The following COL22A1 variants were observed in gnomAD, a reference collection of about 807,000 sequenced individuals.
The protein encoded by COL22A1 is collagen alpha-1(XXII) chain.
Under a neutral mutation model 248.9 loss-of-function variants are expected in COL22A1, and 221 were observed. That is an observed-to-expected ratio of 0.89 (90% confidence interval 0.80 to 0.99). The LOEUF is 0.99. COL22A1 is among the 50% of genes least tolerant of loss of function. COL22A1 has a pLI of 0.00. For synonymous variants in COL22A1, 891 were observed against 793.4 expected (o/e 1.12, Z -2.07); for missense variants, 2,240 against 2,179.0 (o/e 1.03, Z -0.56).
intron 16 of COL22A1, among the ~76,000 whole-genome samples, chr8:138,764,102 CTCTT>C (rs1161074683): frequency 6.6e-6 from 1 of 152,204 alleles, no homozygotes; most frequent in Admixed American, 6.5e-5. Flanking sequence ...GTTGGTTCCT[CTCTT>C]TCAGGATGTT....
chr8:138,613,232 A>G (rs1819035618), intron 56 of COL22A1, among the ~76,000 whole-genome samples: 1 of 144,084 alleles, frequency 6.9e-6, no homozygotes, highest in South Asian at 2.3e-4. Context: ...TGGGTGACAG[A>G]GCGAGACTCC....
At chr8:138,676,267 G>A (rs756558483) in intron 41 of COL22A1, among the ~76,000 whole-genome samples, 5 of 147,186 alleles carry the variant, frequency 3.4e-5, no homozygotes, top group Non-Finnish European at 7.5e-5. Flanking sequence ...GTGGTGGCAG[G>A]CACCTGTAAT....
intron 25 of COL22A1, among the ~76,000 whole-genome samples, chr8:138,722,453 C>G (rs1466101483): frequency 6.6e-6 from 1 of 152,206 alleles, no homozygotes; most frequent in Non-Finnish European, 1.5e-5. Context: ...CCTCCTCTCT[C>G]CTCTCCAGAA....
At chr8:138,634,743 AAAG>A (rs1321817628) in intron 49 of COL22A1, among the ~76,000 whole-genome samples, 2 of 152,150 alleles carry the variant, frequency 1.3e-5, no homozygotes, top group East Asian at 1.9e-4. Context: ...CAATTTGAAA[AAAG>A]AAGAAGTCTG....
intron 12 of COL22A1, among the ~76,000 whole-genome samples, chr8:138,786,001 C>T (rs576753497): frequency 4.3e-4 from 65 of 152,298 alleles, no homozygotes; most frequent in African/African-American, 1.4e-3. Flanking sequence ...TTAGAGCCAA[C>T]GAGCCACAGC....
chr8:138,761,550 T>C (rs1284856964), intron 17 of COL22A1, among the ~76,000 whole-genome samples: 1 of 151,530 alleles, frequency 6.6e-6, no homozygotes, highest in Non-Finnish European at 1.5e-5. Flanking sequence ...TTAGAATATT[T>C]ATTGTAATTC....
Position 138,751,492 on chromosome 8 carries a change from C to T in COL22A1, c.2051G>A (p.Gly684Asp). 1.9e-6 allele frequency: 3 copies of T among 1,612,192 alleles called. No homozygotes were observed. Among genetic ancestry groups the T allele is most frequent in the Non-Finnish European group, 2.5e-6 (3 of 1,179,010 alleles). Residue 684 changes from glycine to aspartate, a missense_variant, in exon 22 of 65, where the codon GGC becomes GAC. Transcript: ENST00000303045. ...TTGCAAACCAGGAGGTCCATCCCTG[C>T]CTTCTGGGCCTATTGGACCCTTTAG... is the stretch of plus-strand genomic sequence containing the variant. The part of the protein sequence containing the change: ...PGARGPIGPE[G>D]RDGPPGLQGL...
At chr8:138,641,226 G>T (rs528535054) in intron 47 of COL22A1, among the ~76,000 whole-genome samples, 5 of 152,128 alleles carry the variant, frequency 3.3e-5, no homozygotes, top group African/African-American at 1.2e-4. Flanking sequence ...GAATCCCAAG[G>T]CTTTTTCAGG....
intron 1 of COL22A1, among the ~76,000 whole-genome samples, chr8:138,908,214 T>C (rs761922783): frequency 1.4e-4 from 21 of 152,206 alleles, no homozygotes; most frequent in African/African-American, 2.7e-4. Context: ...TAGATGCCCA[T>C]GTTTGTAAAT....
Position 138,646,657 on chromosome 8 carries a change from G to A in COL22A1, c.3473C>T (p.Pro1158Leu). ...TGGTCCAGCTATTCCTGGGGGCCCT[G>A]GTAGGCCTGGAGGCCCAGCCTCTCC... ...KKGEAGPPGL[P>L]GPPGIAGPQG... The change falls in exon 47 of 65, where the codon CCA (proline) becomes CTA (leucine). Residue 1158 changes from proline to leucine, a missense_variant. By Grantham distance (98) the Pro-to-Leu change is moderately conservative. Coordinates refer to ENST00000303045, the MANE Select transcript of COL22A1 (RefSeq NM_152888.3). The A allele has an allele frequency of 6.3e-7, 1 of 1,582,956 alleles. No individual in the cohort carries two copies. Among genetic ancestry groups the A allele is most frequent in the Non-Finnish European group, 8.6e-7 (1 of 1,164,448 alleles).
intron 3 of COL22A1, among the ~76,000 whole-genome samples, chr8:138,848,644 G>A (rs1821420473): frequency 6.6e-6 from 1 of 152,136 alleles, no homozygotes; most frequent in Non-Finnish European, 1.5e-5. Context: ...GAGGGTACAT[G>A]CAATTATTGA....
rs143977164 is a variant in COL22A1, at chr8:138,638,682, C to G, written c.3502-1887G>C. ...GAGCATTTCTTCTGACATTTTTCCA[C>G]GTAATTATTTTTACTGTTTCTAAAT... On this transcript the variant is annotated intron_variant, in intron 47 of 64. Coordinates refer to ENST00000303045, the MANE Select transcript of COL22A1 (RefSeq NM_152888.3). Among the ~76,000 whole-genome samples the G allele has an allele frequency of 5.8e-4, 88 of 152,246 alleles. No individual in the cohort carries two copies. In the East Asian group the frequency reaches 0.017, roughly 29 times the overall value.
At chr8:138,613,724 G>A in intron 56 of COL22A1, 143 bp downstream of exon 56, 1 of 792,804 alleles carries the variant, frequency 1.3e-6, no homozygotes, top group Non-Finnish European at 2.3e-6. Flanking sequence ...GGGACTTAGG[G>A]GGGCAGCTAT....
At chr8:138,779,246 G>A (rs1359076893) in intron 14 of COL22A1, among the ~76,000 whole-genome samples, 1 of 152,184 alleles carries the variant, frequency 6.6e-6, no homozygotes. Context: ...TTGATTAAGA[G>A]AATGTGTGGG....
intron 13 of COL22A1, among the ~76,000 whole-genome samples, chr8:138,780,478 A>G (rs1300853714): frequency 6.6e-6 from 1 of 152,190 alleles, no homozygotes; most frequent in African/African-American, 2.4e-5. Flanking sequence ...AGGATGTTGC[A>G]GCTCAGAGGC....
At chr8:138,778,130 G>T in intron 15 of COL22A1, 1 of 609,444 alleles carries the variant, frequency 1.6e-6, no homozygotes, top group East Asian at 2.9e-5. Context: ...ATGTGAGAAA[G>T]GGGTCCCAGG....
At position 138,670,918 on chromosome 8, in the gene COL22A1, G is replaced by A. The variant is rs139214236; in HGVS notation, c.3150+5640C>T. ...TAAGGCTGCAGTGAGCCATGATCACGCCACTGCACTCCAGCTTGGGGGACA... is the reference window on the plus strand; with the variant it reads ...TAAGGCTGCAGTGAGCCATGATCACACCACTGCACTCCAGCTTGGGGGACA... On this transcript the variant is annotated intron_variant, in intron 41 of 64. Transcript: ENST00000303045. Among the ~76,000 whole-genome samples, 190 of 121,084 alleles carry A rather than the reference G, an allele frequency of 1.6e-3. 2 individuals are homozygous for A. In the East Asian group the frequency reaches 0.046, roughly 29 times the overall value. 79.4% of individuals were successfully genotyped at this position (121,084 alleles called of 152,430 possible).
intron 51 of COL22A1, 152 bp from the exon 52 acceptor site, chr8:138,623,937 T>C (rs1261406862): frequency 1.6e-6 from 1 of 618,582 alleles, no homozygotes; most frequent in Non-Finnish European, 2.8e-6. Flanking sequence ...AGAATTGTTC[T>C]GATTTCCTGG....
chr8:138,636,622 T>C, intron 48 of COL22A1, 120 bp downstream of exon 48: 1 of 766,290 alleles, frequency 1.3e-6, no homozygotes, highest in Non-Finnish European at 2.2e-6. Context: ...AAATGAGATT[T>C]TAAAAAATCC....
Sources: allele counts gnomAD v4.1 joint callset (sites outside exome capture counted in the v4.1 genomes callset), GRCh38; gene constraint gnomAD v4.1.1; transcripts MANE v1.5; gene names NCBI Gene and HGNC (gene_info 2026-07-23, HGNC 2026-07-21).